NOX3: variants seen among roughly 807,000 people sequenced by gnomAD.
NOX3 encodes the protein NADPH oxidase 3.
NOX3 carries 74 observed loss-of-function variants against 76.7 expected under a neutral mutation model. The observed-to-expected ratio is 0.96, with a 90% CI of 0.80 to 1.17. The LOEUF (loss-of-function observed/expected upper bound fraction) is 1.17, where lower values mean the gene tolerates loss of function less well. Among genes scored for constraint, NOX3 ranks in the 50% most tolerant of loss-of-function variants. The pLI is 0.00. For synonymous variants in NOX3, 263 were observed against 261.1 expected (o/e 1.01, Z -0.07); for missense variants, 695 against 703.3 (o/e 0.99, Z 0.13).
chr6:155,418,052 C>T (rs987069446), intron 10 of NOX3, among the ~76,000 whole-genome samples: 16 of 152,168 alleles, frequency 1.1e-4, no homozygotes, highest in African/African-American at 3.1e-4. Context: ...GAAAACGAAC[C>T]GCATCTTGCA....
chr6:155,423,989 C>A (rs1776725459), intron 9 of NOX3, among the ~76,000 whole-genome samples: 1 of 152,146 alleles, frequency 6.6e-6, no homozygotes, highest in Admixed American at 6.5e-5. Flanking sequence ...GATCCGCTCA[C>A]CTCGGCCTCC....
intron 6 of NOX3, 98 bp downstream of exon 6, chr6:155,439,858 G>A: frequency 9.3e-7 from 1 of 1,080,628 alleles, no homozygotes; most frequent in Non-Finnish European, 1.3e-6. Flanking sequence ...GAGTCCTGTA[G>A]TCACCGCACG....
intron 4 of NOX3, among the ~76,000 whole-genome samples, chr6:155,445,969 A>T (rs1210540274): frequency 9.3e-5 from 9 of 96,664 alleles, no homozygotes; most frequent in African/African-American, 2.1e-4. Context: ...ATATATATAT[A>T]ATATATATAT....
chr6:155,429,153 G>T, intron 8 of NOX3, 106 bp from the exon 9 acceptor site: 1 of 1,155,538 alleles, frequency 8.7e-7, no homozygotes, highest in Non-Finnish European at 1.2e-6. Flanking sequence ...TGTTTCAGGT[G>T]TAATTTACAT....
chr6:155,415,263 C>T (rs1225305981), intron 10 of NOX3, among the ~76,000 whole-genome samples: 1 of 152,176 alleles, frequency 6.6e-6, no homozygotes, highest in African/African-American at 2.4e-5. Flanking sequence ...TTTTGATAAA[C>T]AGTTTCAGAA....
At chr6:155,406,458 A>G (rs1237366204) in intron 12 of NOX3, among the ~76,000 whole-genome samples, 1 of 152,164 alleles carries the variant, frequency 6.6e-6, no homozygotes, top group African/African-American at 2.4e-5. Context: ...TAATGATAAT[A>G]ATAATAGTAA....
intron 4 of NOX3, among the ~76,000 whole-genome samples, chr6:155,448,371 C>T (rs575855870): frequency 9.9e-5 from 15 of 152,150 alleles, no homozygotes; most frequent in Non-Finnish European, 1.0e-4. Context: ...AATCCAACGC[C>T]ATTAGCTATG....
intron 4 of NOX3, among the ~76,000 whole-genome samples, chr6:155,445,828 A>G (rs2114706780): frequency 6.7e-6 from 1 of 149,356 alleles, no homozygotes; most frequent in Non-Finnish European, 1.5e-5. Context: ...CAATCTATAA[A>G]TACAACCTTG....
intron 7 of NOX3, among the ~76,000 whole-genome samples, chr6:155,434,840 A>G (rs231959): frequency 0.42 from 64,460 of 151,838 alleles, 14,356 homozygotes; most frequent in East Asian, 0.6. Flanking sequence ...GAGGTACAAA[A>G]CGTTATCTGT....
chr6:155,429,081 C>A, intron 8 of NOX3, 34 bp from the exon 9 acceptor site: 1 of 1,487,942 alleles, frequency 6.7e-7, no homozygotes, highest in Non-Finnish European at 9.0e-7. Flanking sequence ...TTGCCTTTGT[C>A]CTCGAAATAA....
At chr6:155,423,053 C>T (rs990951803) in intron 9 of NOX3, among the ~76,000 whole-genome samples, 197 bp from the exon 10 acceptor site, 5 of 152,280 alleles carry the variant, frequency 3.3e-5, no homozygotes, top group East Asian at 1.9e-4. Flanking sequence ...TGGGAGACAA[C>T]GAGGTTGTCC....
At chr6:155,443,507 T>C (rs1777022553) in intron 4 of NOX3, 89 bp from the exon 5 acceptor site, 1 of 1,457,956 alleles carries the variant, frequency 6.9e-7, no homozygotes, top group African/African-American at 1.4e-5. Context: ...TGCTCAAGTT[T>C]CTCTGTTCTG....
intron 9 of NOX3, among the ~76,000 whole-genome samples, chr6:155,427,568 T>G (rs1487071430): frequency 6.6e-6 from 1 of 152,226 alleles, no homozygotes; most frequent in Non-Finnish European, 1.5e-5. Flanking sequence ...GAACTTCCAT[T>G]TGAAGTGTCT....
At chr6:155,421,150 G>A (rs1776684279) in intron 10 of NOX3, among the ~76,000 whole-genome samples, 3 of 152,146 alleles carry the variant, frequency 2.0e-5, no homozygotes, top group African/African-American at 7.2e-5. Flanking sequence ...GGAGCTGGGG[G>A]TCACGTCTAC....
intron 12 of NOX3, among the ~76,000 whole-genome samples, chr6:155,406,282 T>C (rs550228267): frequency 5.9e-5 from 9 of 152,086 alleles, no homozygotes; most frequent in East Asian, 5.8e-4. Flanking sequence ...ACACTGTGAA[T>C]GGATATTATC....
chr6:155,408,103 C>T (rs564057798), intron 11 of NOX3, among the ~76,000 whole-genome samples: 1 of 152,190 alleles, frequency 6.6e-6, no homozygotes, highest in South Asian at 2.1e-4. Context: ...CTCAGCCTCT[C>T]GAGTAGCTGG....
chr6:155,454,326 G>A (rs779208470), intron 3 of NOX3, among the ~76,000 whole-genome samples: 11 of 152,174 alleles, frequency 7.2e-5, no homozygotes, highest in Non-Finnish European at 1.3e-4. Flanking sequence ...TTGTTTGACA[G>A]GAAGCACAGG....
intron 13 of NOX3, 96 bp from the exon 14 acceptor site, chr6:155,395,670 T>C (rs1328482966): frequency 6.6e-6 from 1 of 152,158 alleles, no homozygotes; most frequent in Non-Finnish European, 1.5e-5. Flanking sequence ...AAAACAATCT[T>C]GAAATATTAG....
intron 12 of NOX3, among the ~76,000 whole-genome samples, chr6:155,406,065 C>T (rs560251857): frequency 2.6e-5 from 4 of 152,188 alleles, no homozygotes; most frequent in Non-Finnish European, 5.9e-5. Flanking sequence ...GCTCCAGTTG[C>T]CCACATGGCA....
Sources: gnomAD v4.1 joint callset for allele counts (sites outside exome capture counted in the v4.1 genomes callset) on GRCh38, gnomAD v4.1.1 for gene constraint, MANE v1.5 for transcripts, NCBI Gene and HGNC (gene_info 2026-07-23, HGNC 2026-07-21) for gene names.